The following SMAD1 variants were observed in gnomAD, a reference collection of about 807,000 sequenced individuals.
SMAD1 encodes SMAD family member 1.
A neutral mutation model predicts 41.6 loss-of-function variants in SMAD1; 6 were observed. The observed-to-expected ratio is 0.14, with a 90% CI of 0.08 to 0.28. The LOEUF (loss-of-function observed/expected upper bound fraction) is 0.28. Ranked by LOEUF, SMAD1 falls within the 10% of genes least tolerant of loss-of-function variation. The pLI is 1.00. For synonymous variants in SMAD1, 206 were observed against 203.2 expected (o/e 1.01, Z -0.12); for missense variants, 379 against 582.6 (o/e 0.65, Z 3.60).
At chr4:145,511,812 T>A (rs570108530) in intron 1 of SMAD1, among the ~76,000 whole-genome samples, 3 of 152,346 alleles carry the variant, frequency 2.0e-5, no homozygotes, top group African/African-American at 4.8e-5. Context: ...TTTTGTGAAG[T>A]CAGTATTCAT....
At chr4:145,483,406 GAA>G (rs1728305273) in intron 1 of SMAD1, among the ~76,000 whole-genome samples, 1 of 152,160 alleles carries the variant, frequency 6.6e-6, no homozygotes, top group African/African-American at 2.4e-5. Context: ...AACACAATGA[GAA>G]AACTGTTCCC....
chr4:145,522,348 T>G (rs1730787259), intron 2 of SMAD1, among the ~76,000 whole-genome samples: 1 of 152,098 alleles, frequency 6.6e-6, no homozygotes, highest in African/African-American at 2.4e-5. Context: ...ACGCCTGTAA[T>G]CCCAGCACTG....
At position 145,514,820 on chromosome 4, in the gene SMAD1, C is replaced by T. The variant is rs763080337; in HGVS notation, c.207C>T (p.Arg69=). ...CGAGTAACTGTGTCACCATTCCCCGCTCTCTGGATGGCAGGCTGCAAGTCT... is the reference window on the plus strand; with the variant it reads ...CGAGTAACTGTGTCACCATTCCCCGTTCTCTGGATGGCAGGCTGCAAGTCT... ...GQPSNCVTIP[R]SLDGRLQVSH... Residue 69 remains arginine (R), a synonymous_variant, in exon 2 of 7, where the codon CGC becomes CGT. Coordinates refer to ENST00000302085, the MANE Select transcript of SMAD1 (RefSeq NM_005900.3). This position sits in a 1 kb window ranked among gnomAD's most constrained non-coding sequence, Gnocchi z 4.7. 13 of 1,614,036 alleles carry T rather than the reference C, an allele frequency of 8.1e-6. No homozygotes were observed. The highest frequency in any genetic ancestry group is 2.2e-5 in the South Asian group (2 of 91,078).
At chr4:145,510,760 CTATT>C (rs1276690684) in intron 1 of SMAD1, among the ~76,000 whole-genome samples, 10 of 151,908 alleles carry the variant, frequency 6.6e-5, no homozygotes, top group East Asian at 1.9e-4. Flanking sequence ...TTTTCTGTAT[CTATT>C]GATTTTTGTT....
chr4:145,531,426 C>G (rs555710408), intron 2 of SMAD1, among the ~76,000 whole-genome samples: 10 of 152,244 alleles, frequency 6.6e-5, no homozygotes, highest in Non-Finnish European at 1.3e-4. Flanking sequence ...ATTGCTGCAG[C>G]TGACTGGCTC....
intron 1 of SMAD1, among the ~76,000 whole-genome samples, chr4:145,485,164 G>A (rs1219501836): frequency 6.6e-6 from 1 of 152,102 alleles, no homozygotes; most frequent in Non-Finnish European, 1.5e-5. Context: ...GACCTCCCAG[G>A]CCCAGGCAGT....
chr4:145,508,750 A>C (rs368023392), intron 1 of SMAD1, among the ~76,000 whole-genome samples: 2 of 152,342 alleles, frequency 1.3e-5, no homozygotes, highest in South Asian at 4.1e-4. Context: ...TATAAACAAC[A>C]GAAATTTATT....
chr4:145,530,075 G>A lies in SMAD1; in HGVS notation c.401-9729G>A, dbSNP rs369917823. Among the ~76,000 whole-genome samples the A allele has an allele frequency of 5.0e-4, 76 of 152,278 alleles. No homozygotes were observed. The East Asian group carries it at 0.014, about 27-fold the overall frequency. The stretch of plus-strand genomic sequence containing the variant: ...AACATTCATTCTGGACCTATTAGGT[G>A]CCAGACACTGGCACCTATTTCCTTT... On this transcript the variant is annotated intron_variant, in intron 2 of 6. Transcript: ENST00000302085.
intron 6 of SMAD1, among the ~76,000 whole-genome samples, chr4:145,556,645 G>C (rs1578838354): frequency 6.6e-6 from 1 of 151,854 alleles, no homozygotes; most frequent in Admixed American, 6.6e-5. Context: ...TTTTAGTAGA[G>C]ACAGAGTTTT....
intron 2 of SMAD1, among the ~76,000 whole-genome samples, chr4:145,520,195 C>CCAG (rs1159901726): frequency 6.6e-6 from 1 of 152,154 alleles, no homozygotes; most frequent in Non-Finnish European, 1.5e-5. Context: ...ACCATATGAT[C>CCAG]CAGCAGTCTC....
chr4:145,506,620 G>T (rs992446660), intron 1 of SMAD1, among the ~76,000 whole-genome samples: 13 of 152,078 alleles, frequency 8.5e-5, no homozygotes, highest in African/African-American at 3.1e-4. Context: ...ATTAAAGGGG[G>T]TTGTAACATT....
At chr4:145,484,224 A>T (rs1241733800) in intron 1 of SMAD1, among the ~76,000 whole-genome samples, 3 of 152,238 alleles carry the variant, frequency 2.0e-5, no homozygotes, top group Non-Finnish European at 4.4e-5. Context: ...GTGTGTGTAT[A>T]AAAGATCTCA....
intron 1 of SMAD1, among the ~76,000 whole-genome samples, chr4:145,487,845 C>T (rs534397557): frequency 6.6e-6 from 1 of 151,772 alleles, no homozygotes; most frequent in Non-Finnish European, 1.5e-5. Flanking sequence ...CTAGAACATT[C>T]ATTTGCATAA....
chr4:145,509,067 A>G (rs1326699652), intron 1 of SMAD1, among the ~76,000 whole-genome samples: 1 of 152,200 alleles, frequency 6.6e-6, no homozygotes, highest in African/African-American at 2.4e-5. Context: ...GAGTAAGTTA[A>G]TAGTAGGTAA....
intron 2 of SMAD1, among the ~76,000 whole-genome samples, chr4:145,535,997 AAAATT>A (rs1404431260): frequency 2.6e-5 from 4 of 152,042 alleles, no homozygotes; most frequent in African/African-American, 7.2e-5. Flanking sequence ...AAAAAAAAAA[AAAATT>A]AAAGAGAATA....
At chr4:145,557,757 A>T in intron 6 of SMAD1, 34 bp from the exon 7 acceptor site, 1 of 1,562,454 alleles carries the variant, frequency 6.4e-7, no homozygotes, top group Non-Finnish European at 8.7e-7. Context: ...ACTGAGTTAA[A>T]CAAGTTAAAT....
chr4:145,544,236 A>T (rs917499072), intron 4 of SMAD1: 2 of 152,186 alleles, frequency 1.3e-5, no homozygotes, highest in African/African-American at 2.4e-5. Context: ...ACTCTGTCTT[A>T]TACTCAGTTT....
intron 1 of SMAD1, among the ~76,000 whole-genome samples, chr4:145,512,797 T>C (rs1730156313): frequency 6.6e-6 from 1 of 152,224 alleles, no homozygotes; most frequent in Non-Finnish European, 1.5e-5. Context: ...ACACTGTGAA[T>C]TTAAAATTGT....
intron 1 of SMAD1, among the ~76,000 whole-genome samples, chr4:145,511,829 T>G (rs992707029): frequency 6.6e-6 from 1 of 152,234 alleles, no homozygotes; most frequent in African/African-American, 2.4e-5. Flanking sequence ...TCATTTAAAC[T>G]TACCCTTATT....
Sources: allele counts gnomAD v4.1 joint callset (sites outside exome capture counted in the v4.1 genomes callset), GRCh38; gene constraint gnomAD v4.1.1; non-coding constraint Gnocchi (gnomAD v3.1); transcripts MANE v1.5; gene names NCBI Gene and HGNC (gene_info 2026-07-23, HGNC 2026-07-21).